The following PCDH15 variants were observed in gnomAD, a reference collection of about 807,000 sequenced individuals.
The protein encoded by PCDH15 is protocadherin related 15.
Under a neutral mutation model 178.5 loss-of-function variants are expected in PCDH15, and 129 were observed. The observed-to-expected ratio is 0.72, with a 90% CI of 0.63 to 0.84. PCDH15 has a LOEUF of 0.84. Among genes scored for constraint, PCDH15 ranks in the 40% least tolerant of loss-of-function variants. The pLI, the probability that PCDH15 is intolerant of heterozygous loss-of-function variation, is 0.00. For missense variants in PCDH15, 2,230 were observed against 2,099.9 expected (o/e 1.06, Z -1.21); for synonymous variants, 800 against 732.0 (o/e 1.09, Z -1.50).
intron 1 of PCDH15, among the ~76,000 whole-genome samples, chr10:55,214,409 C>T (rs919561795): frequency 2.0e-5 from 3 of 151,484 alleles, no homozygotes; most frequent in Non-Finnish European, 2.9e-5. Context: ...ATTGTTTTTT[C>T]TTTATGTATA....
chr10:54,314,823 A>T (rs759725893), intron 8 of PCDH15, among the ~76,000 whole-genome samples: 4 of 152,030 alleles, frequency 2.6e-5, no homozygotes, highest in Non-Finnish European at 4.4e-5. Flanking sequence ...TTGCTAAGGA[A>T]ATTAGCCTCC....
At chr10:54,863,914 T>C (rs1953891620) in intron 3 of PCDH15, among the ~76,000 whole-genome samples, 1 of 152,144 alleles carries the variant, frequency 6.6e-6, no homozygotes, top group Admixed American at 6.6e-5. Context: ...AATGTAGCAG[T>C]AATGTTTGAA....
intron 2 of PCDH15, among the ~76,000 whole-genome samples, chr10:55,561,261 A>G (rs1309312872): frequency 6.6e-6 from 1 of 151,892 alleles, no homozygotes; most frequent in Non-Finnish European, 1.5e-5. Context: ...ATTTTATTAT[A>G]GCCAGATTAG....
At chr10:54,173,765 G>T (rs909160043) in intron 13 of PCDH15, among the ~76,000 whole-genome samples, 1 of 152,062 alleles carries the variant, frequency 6.6e-6, no homozygotes, top group Non-Finnish European at 1.5e-5. Flanking sequence ...TATTCCATTT[G>T]AGCCTATAAT....
chr10:53,878,181 G>A (rs1219162983), intron 26 of PCDH15, among the ~76,000 whole-genome samples: 4 of 124,926 alleles, frequency 3.2e-5, no homozygotes, highest in South Asian at 2.6e-4. Context: ...CTATACTATG[G>A]CACACACACA....
intron 21 of PCDH15, among the ~76,000 whole-genome samples, chr10:53,972,883 C>A (rs562159646): frequency 6.6e-6 from 1 of 152,076 alleles, no homozygotes; most frequent in Non-Finnish European, 1.5e-5. Context: ...GACAGTGTGG[C>A]GATTCCTCAA....
intron 3 of PCDH15, among the ~76,000 whole-genome samples, chr10:54,455,507 A>T (rs2076757938): frequency 6.6e-6 from 1 of 152,144 alleles, no homozygotes; most frequent in African/African-American, 2.4e-5. Flanking sequence ...CACTCTTGCT[A>T]TGCAGGGAGA....
intron 2 of PCDH15, among the ~76,000 whole-genome samples, chr10:54,930,230 T>G (rs1415357372): frequency 2.6e-5 from 4 of 152,118 alleles, no homozygotes; most frequent in African/African-American, 9.7e-5. Flanking sequence ...GGTTGCAAGG[T>G]TCTTCACTCA....
chr10:55,422,722 T>C (rs1838652903), intron 2 of PCDH15, among the ~76,000 whole-genome samples: 1 of 151,838 alleles, frequency 6.6e-6, no homozygotes, highest in Non-Finnish European at 1.5e-5. Context: ...TCCAATGGTA[T>C]GTTGTGCTCG....
chr10:55,531,525 A>C (rs568649584), intron 2 of PCDH15, among the ~76,000 whole-genome samples: 1 of 152,108 alleles, frequency 6.6e-6, no homozygotes, highest in South Asian at 2.1e-4. Flanking sequence ...TTAGAAACCA[A>C]TTCTGAAAGC....
At chr10:54,315,708 T>C (rs1366212623) in intron 8 of PCDH15, among the ~76,000 whole-genome samples, 2 of 86,082 alleles carry the variant, frequency 2.3e-5, no homozygotes, top group African/African-American at 7.4e-5. Flanking sequence ...TTTTTGGTTA[T>C]GGTATAAGGA....
intron 3 of PCDH15, among the ~76,000 whole-genome samples, chr10:54,481,595 G>T (rs576819762): frequency 6.6e-6 from 1 of 151,672 alleles, no homozygotes. Flanking sequence ...TAATCTAGAG[G>T]CTACTCTAAT....
At chr10:55,291,920 T>C (rs1396441088) in intron 1 of PCDH15, among the ~76,000 whole-genome samples, 1 of 152,112 alleles carries the variant, frequency 6.6e-6, no homozygotes, top group Non-Finnish European at 1.5e-5. Flanking sequence ...TTGTGAAGCT[T>C]ATTCACTATC....
intron 20 of PCDH15, among the ~76,000 whole-genome samples, chr10:54,006,094 G>T (rs1361565002): frequency 6.6e-6 from 1 of 152,156 alleles, no homozygotes; most frequent in Non-Finnish European, 1.5e-5. Flanking sequence ...ATGGAGCCAT[G>T]GGAGAGATTC....
At chr10:54,171,904 G>C (rs10825256) in intron 13 of PCDH15, among the ~76,000 whole-genome samples, 67,853 of 146,574 alleles carry the variant, frequency 0.46, 16,454 homozygotes, top group African/African-American at 0.56. Flanking sequence ...ATCTCTCCCA[G>C]TCTAGGTTCC....
intron 18 of PCDH15, among the ~76,000 whole-genome samples, chr10:54,060,897 A>G (rs1297836686): frequency 1.3e-5 from 2 of 152,052 alleles, no homozygotes; most frequent in Non-Finnish European, 2.9e-5. Context: ...TGGTGAGTCT[A>G]GAAGTCACAG....
chr10:53,868,515 G>A (rs141674803), intron 26 of PCDH15, among the ~76,000 whole-genome samples: 2 of 152,200 alleles, frequency 1.3e-5, no homozygotes, highest in African/African-American at 4.8e-5. Context: ...AGCCAAATAT[G>A]ACAAATGAAA....
At chr10:54,486,790 A>G (rs2079137785) in intron 3 of PCDH15, among the ~76,000 whole-genome samples, 1 of 152,012 alleles carries the variant, frequency 6.6e-6, no homozygotes, top group African/African-American at 2.4e-5. Context: ...AACTTCCAGA[A>G]AGCATCTTTG....
At chr10:54,450,130 A>AATATAAATAT (rs1376879561) in intron 3 of PCDH15, among the ~76,000 whole-genome samples, 5 of 137,238 alleles carry the variant, frequency 3.6e-5, no homozygotes, top group African/African-American at 1.4e-4. Flanking sequence ...CTTTTTTATA[A>AATATAAATAT]ATATATATAT....
Sources: gnomAD v4.1 joint callset for allele counts (sites outside exome capture counted in the v4.1 genomes callset) on GRCh38, gnomAD v4.1.1 for gene constraint, MANE v1.5 for transcripts, NCBI Gene and HGNC (gene_info 2026-07-23, HGNC 2026-07-21) for gene names.